The following NEK6 variants were observed in gnomAD, a reference collection of about 807,000 sequenced individuals.
NEK6 encodes serine/threonine-protein kinase Nek6.
NEK6 carries 27 observed loss-of-function variants against 43.5 expected under a neutral mutation model. The ratio of observed to expected loss-of-function variants is 0.62; its 90% confidence interval spans 0.46 to 0.86. The LOEUF (loss-of-function observed/expected upper bound fraction) is 0.86. NEK6 is among the 40% of genes least tolerant of loss of function. The pLI, the probability that NEK6 is intolerant of heterozygous loss-of-function variation, is 0.00. For missense variants in NEK6, 318 were observed against 414.4 expected (o/e 0.77, Z 2.02); for synonymous variants, 167 against 164.1 (o/e 1.02, Z -0.14).
chr9:124,270,564 T>C (rs1191228709), intron 1 of NEK6, among the ~76,000 whole-genome samples: 3 of 152,170 alleles, frequency 2.0e-5, no homozygotes, highest in Non-Finnish European at 4.4e-5. Context: ...CTTTGCAATC[T>C]CTTTCCATCT....
At chr9:124,276,935 G>A (rs1416325431) in intron 1 of NEK6, among the ~76,000 whole-genome samples, 1 of 152,194 alleles carries the variant, frequency 6.6e-6, no homozygotes. Flanking sequence ...GGGGTCTTAG[G>A]TGCTAAGCTC....
intron 7 of NEK6, among the ~76,000 whole-genome samples, chr9:124,332,925 G>A (rs1016226510): frequency 6.6e-6 from 1 of 152,068 alleles, no homozygotes; most frequent in Admixed American, 6.6e-5. Context: ...AGGGGGCGGT[G>A]GGAGTCTCAG....
At chr9:124,350,794 A>G in intron 9 of NEK6, 43 bp from the exon 10 acceptor site, 1 of 1,443,386 alleles carries the variant, frequency 6.9e-7, no homozygotes, top group South Asian at 1.2e-5. Context: ...AGCCTCAGTA[A>G]GACTGCTTTC....
Position 124,353,305 on chromosome 9 carries a change from C to A in NEK6, c.*2358C>A. On this transcript the variant is annotated 3_prime_UTR_variant, in exon 10 of 10. Transcript: ENST00000320246. The stretch of plus-strand genomic sequence containing the variant: ...CAAGGGAGTCCACTCTGACTTCTGA[C>A]AGCAGACAGAACCTATCTGTCCTCA... 2.4e-6 allele frequency: 1 copy of A among 411,852 alleles called. No individual in the cohort carries two copies. 25.5% of individuals were successfully genotyped at this position (411,852 alleles called of 1,614,324 possible). A position where few individuals can be genotyped will look rare whatever the true frequency, so the allele number is the denominator to read the frequency against.
chr9:124,281,491 T>C (rs1010557451), intron 1 of NEK6, among the ~76,000 whole-genome samples: 10 of 87,138 alleles, frequency 1.1e-4, no homozygotes, highest in African/African-American at 2.7e-4. Context: ...TTTTTTCTTT[T>C]TTTTTTTTTT....
At chr9:124,267,355 C>A (rs916070532) in intron 1 of NEK6, among the ~76,000 whole-genome samples, 1 of 151,924 alleles carries the variant, frequency 6.6e-6, no homozygotes, top group Non-Finnish European at 1.5e-5. Flanking sequence ...CTTGGCAGGT[C>A]CGGTCGAGTC....
At chr9:124,290,820 C>T (rs1376359899) in intron 1 of NEK6, among the ~76,000 whole-genome samples, 2 of 152,214 alleles carry the variant, frequency 1.3e-5, no homozygotes, top group Non-Finnish European at 2.9e-5. Flanking sequence ...CAAAGCTCCC[C>T]GTGACCTGGC....
At position 124,275,960 on chromosome 9, in the gene NEK6, A is replaced by G. The variant is rs1831633601; in HGVS notation, c.-30+17875A>G. On this transcript the variant is annotated intron_variant, in intron 1 of 9. Coordinates refer to ENST00000320246, the MANE Select transcript of NEK6 (RefSeq NM_014397.6). The surrounding 1 kb of genome is among the most constrained non-coding windows in gnomAD (Gnocchi z 4.4). ...TGTGCCTGCTGCGGTGATCCTTTAA[A>G]CGACAGTTAGGTTTGATCCTGCGGG... Among the ~76,000 whole-genome samples the G allele has an allele frequency of 6.6e-6, 1 of 152,132 alleles. No homozygotes were observed. The highest frequency in any genetic ancestry group is 6.5e-5 in the Admixed American group (1 of 15,278).
At chr9:124,345,381 G>A (rs1160535828) in intron 8 of NEK6, among the ~76,000 whole-genome samples, 4 of 152,322 alleles carry the variant, frequency 2.6e-5, no homozygotes, top group Admixed American at 6.5e-5. Flanking sequence ...AGGCTGGGGC[G>A]GATGGAGGAG....
At chr9:124,282,253 C>T (rs1468794319) in intron 1 of NEK6, among the ~76,000 whole-genome samples, 1 of 152,214 alleles carries the variant, frequency 6.6e-6, no homozygotes, top group Non-Finnish European at 1.5e-5. Context: ...TAGCCACCCT[C>T]CTTGTTCCTT....
chr9:124,302,878 G>A (rs2130802355), intron 2 of NEK6, among the ~76,000 whole-genome samples: 1 of 152,346 alleles, frequency 6.6e-6, no homozygotes, highest in African/African-American at 2.4e-5. Context: ...TTTGCTGGTG[G>A]GACAATCCCA....
chr9:124,269,085 G>A (rs1306527392), intron 1 of NEK6, among the ~76,000 whole-genome samples: 1 of 152,110 alleles, frequency 6.6e-6, no homozygotes, highest in Non-Finnish European at 1.5e-5. Context: ...TTTATTGAGC[G>A]CTTGCCGAGT....
At chr9:124,269,094 G>A (rs1275374726) in intron 1 of NEK6, among the ~76,000 whole-genome samples, 2 of 152,208 alleles carry the variant, frequency 1.3e-5, no homozygotes, top group Admixed American at 1.3e-4. Flanking sequence ...CGCTTGCCGA[G>A]TGCTGTACCC....
At chr9:124,344,093 G>A (rs1026967160) in intron 8 of NEK6, among the ~76,000 whole-genome samples, 5 of 152,076 alleles carry the variant, frequency 3.3e-5, no homozygotes, top group Non-Finnish European at 5.9e-5. Flanking sequence ...CTCGGTCCCC[G>A]CCTTGTGTCA....
chr9:124,291,771 G>A, intron 1 of NEK6: 2 of 972,670 alleles, frequency 2.1e-6, no homozygotes, highest in Non-Finnish European at 2.4e-6. Context: ...GGTCTAATCG[G>A]GTGGTGCTGC....
rs759381068 is a variant in NEK6 at position 124,281,487 on chromosome 9, CTTTTTTTTTTTTTTTTTTTT to C, written c.-29-20438_-29-20419del. On this transcript the variant is annotated intron_variant, in intron 1 of 9. Coordinates refer to ENST00000320246, the MANE Select transcript of NEK6 (RefSeq NM_014397.6). Reference sequence around the variant, plus strand: ...CTACTTTCCATGTCAGCTGTTTTTTCTTTTTTTTTTTTTTTTTTTTTTTTTTTTTTGGAGGCAGAATCTCA... The same window carrying C: ...CTACTTTCCATGTCAGCTGTTTTTTCTTTTTTTTTTGGAGGCAGAATCTCA... Among the ~76,000 whole-genome samples the C allele has an allele frequency of 3.4e-4, 35 of 102,968 alleles. 1 individual carries two copies. Among genetic ancestry groups the C allele is most frequent in the African/African-American group, 1.2e-3 (32 of 25,702 alleles). The allele number at this position is 102,968 out of a possible 152,430, so 67.6% of individuals were successfully genotyped here.
At chr9:124,339,863 G>T (rs1424534824) in intron 8 of NEK6, among the ~76,000 whole-genome samples, 198 bp downstream of exon 8, 1 of 151,582 alleles carries the variant, frequency 6.6e-6, no homozygotes, top group African/African-American at 2.4e-5. Context: ...CAGGCTGGTG[G>T]AGGCTGTTAG....
At chr9:124,346,360 T>A (rs1395318795) in intron 8 of NEK6, among the ~76,000 whole-genome samples, 1 of 152,176 alleles carries the variant, frequency 6.6e-6, no homozygotes, top group East Asian at 1.9e-4. Context: ...AAACCCAAGC[T>A]GACGGGCACC....
chr9:124,327,258 T>G, intron 6 of NEK6, 80 bp from the exon 7 acceptor site: 1 of 1,167,488 alleles, frequency 8.6e-7, no homozygotes, highest in Non-Finnish European at 1.3e-6. Flanking sequence ...AGGCCTCACC[T>G]TCCTCCCCCT....
Sources: gnomAD v4.1 joint callset for allele counts (sites outside exome capture counted in the v4.1 genomes callset) on GRCh38, gnomAD v4.1.1 for gene constraint, Gnocchi (gnomAD v3.1) non-coding constraint, MANE v1.5 for transcripts, NCBI Gene and HGNC (gene_info 2026-07-23, HGNC 2026-07-21) for gene names.